The following RFC3 variants were observed in gnomAD, a reference collection of about 807,000 sequenced individuals.
RFC3 encodes the protein A1 38 kDa subunit.
A neutral mutation model predicts 45.1 loss-of-function variants in RFC3; 41 were observed. The observed-to-expected ratio is 0.91, with a 90% confidence interval of 0.71 to 1.18. The LOEUF is 1.18. Among genes scored for constraint, RFC3 ranks in the 50% most tolerant of loss-of-function variants. The probability of loss-of-function intolerance (pLI) is 0.00; values close to 1 mark genes in which losing one functional copy is unlikely to be tolerated. For missense variants in RFC3, 423 were observed against 428.1 expected (o/e 0.99, Z 0.10); for synonymous variants, 149 against 144.0 (o/e 1.03, Z -0.25).
At chr13:33,905,412 C>T (rs1265754958) in intron 8 of RFC3, among the ~76,000 whole-genome samples, 3 of 147,962 alleles carry the variant, frequency 2.0e-5, no homozygotes, top group Non-Finnish European at 4.4e-5. Context: ...ATTTCTTTCA[C>T]TTGTGTTCTC....
rs559922399 is a variant in RFC3 at position 33,940,252 on chromosome 13, T to C, written c.880-25835T>C. 5.9e-5 allele frequency among the ~76,000 whole-genome samples: 9 copies of C among 152,254 alleles called. No homozygotes were observed. In the South Asian group the frequency reaches 1.7e-3, roughly 28 times the overall value. On this transcript the variant is annotated intron_variant, in intron 8 of 8. Coordinates refer to the RFC3 transcript ENST00000434425. ...TTTTTTTTCTAAGTATGACTTCAAC[T>C]GCCCTCCACAAATTTTATTATATCT...
In RFC3 at chr13:33,835,175, T is replaced by C. The variant is rs1368050336; in HGVS notation, c.837T>C (p.Tyr279=). 2 of 1,610,260 alleles carry C rather than the reference T, an allele frequency of 1.2e-6. No homozygotes were observed. Among genetic ancestry groups the C allele is most frequent in the African/African-American group, 1.3e-5 (1 of 74,956 alleles). The change falls in exon 8 of 9, where the codon TAT becomes TAC. Residue 279 remains tyrosine (Y), a synonymous_variant. Transcript: ENST00000380071. ...TCCTTGAAGTTCGTGGAAGGCTGTATGAGCTTCTAACTCATTGTATTCCTC... is the reference window on the plus strand; with the variant it reads ...TCCTTGAAGTTCGTGGAAGGCTGTACGAGCTTCTAACTCATTGTATTCCTC... ...QRLLEVRGRL[Y]ELLTHCIPPE... is the part of the protein sequence containing the mutation.
At chr13:33,879,377 T>C (rs1257692275) in intron 8 of RFC3, among the ~76,000 whole-genome samples, 1 of 152,194 alleles carries the variant, frequency 6.6e-6, no homozygotes, top group Non-Finnish European at 1.5e-5. Flanking sequence ...CCTCAGTCAT[T>C]TCCAGGCAAA....
the RFC3 span, among the ~76,000 whole-genome samples, chr13:33,976,874 AGG>A: frequency 6.6e-6 from 1 of 152,136 alleles, no homozygotes; most frequent in African/African-American, 2.4e-5. Context: ...AGCATGAAAA[AGG>A]GAGAAAAAAC....
In RFC3 at chr13:33,818,881, GTTTTTT is replaced by G. The variant is rs72236854; in HGVS notation, c.87+637_87+642del. Reference sequence around the variant, plus strand: ...TTGTATTAGGACGTTCCTGAGATTAGTTTTTTTTTTTTTTTTTTTTTTTTTTGAGAC... The same window carrying G: ...TTGTATTAGGACGTTCCTGAGATTAGTTTTTTTTTTTTTTTTTTTTGAGAC... On this transcript the variant is annotated intron_variant, in intron 1 of 8. Transcript: ENST00000380071. Among the ~76,000 whole-genome samples the G allele has an allele frequency of 3.8e-4, 43 of 112,032 alleles. No individual in the cohort carries two copies. The East Asian group carries it at 8.9e-3, about 23-fold the overall frequency. The allele number at this position is 112,032 out of a possible 152,430, so 73.5% of individuals were successfully genotyped here.
chr13:33,825,423 G>A (rs990721359), intron 3 of RFC3, among the ~76,000 whole-genome samples: 6 of 152,036 alleles, frequency 3.9e-5, no homozygotes, highest in Admixed American at 6.6e-5. Context: ...AAAGAGTTAC[G>A]TTTTGTATTT....
At chr13:33,929,017 G>A (rs1407322163) in intron 8 of RFC3, among the ~76,000 whole-genome samples, 3 of 152,078 alleles carry the variant, frequency 2.0e-5, no homozygotes, top group Non-Finnish European at 4.4e-5. Context: ...TTCTAAAATG[G>A]ACAAATAATT....
chr13:33,835,015 A>G, intron 7 of RFC3, 133 bp from the exon 8 acceptor site: 3 of 560,988 alleles, frequency 5.3e-6, no homozygotes, highest in Non-Finnish European at 9.5e-6. Flanking sequence ...GTTAATTCAT[A>G]AAGTTAGGTC....
intron 8 of RFC3, among the ~76,000 whole-genome samples, chr13:33,882,411 G>C (rs1325688574): frequency 6.6e-6 from 1 of 152,206 alleles, no homozygotes; most frequent in Non-Finnish European, 1.5e-5. Flanking sequence ...AAATGCATCT[G>C]TTGAAGCCCT....
intron 8 of RFC3, among the ~76,000 whole-genome samples, chr13:33,855,332 G>A (rs1372758795): frequency 6.6e-6 from 1 of 152,096 alleles, no homozygotes; most frequent in African/African-American, 2.4e-5. Flanking sequence ...AAATGGAAAT[G>A]TAAAGAAATG....
intron 8 of RFC3, among the ~76,000 whole-genome samples, chr13:33,957,345 A>G (rs774821731): frequency 1.3e-5 from 2 of 152,218 alleles, no homozygotes; most frequent in Non-Finnish European, 2.9e-5. Context: ...GAGAGGAGAA[A>G]AACATAATTG....
At chr13:33,965,841 A>T (rs562581195) in intron 8 of RFC3, among the ~76,000 whole-genome samples, 1 of 152,290 alleles carries the variant, frequency 6.6e-6, no homozygotes, top group South Asian at 2.1e-4. Context: ...GGTGTCCTTG[A>T]CATATGCCCT....
chr13:33,960,863 C>CT (rs1201692501), intron 8 of RFC3, among the ~76,000 whole-genome samples: 1 of 152,180 alleles, frequency 6.6e-6, no homozygotes, highest in Non-Finnish European at 1.5e-5. Flanking sequence ...ATCTCTGGTG[C>CT]TTTTGGGGCC....
chr13:33,937,621 T>C (rs567073544), intron 8 of RFC3, among the ~76,000 whole-genome samples: 1 of 152,306 alleles, frequency 6.6e-6, no homozygotes, highest in South Asian at 2.1e-4. Flanking sequence ...ACAATTACCA[T>C]GTAGCATGCG....
intron 3 of RFC3, among the ~76,000 whole-genome samples, chr13:33,824,547 T>C (rs969069375): frequency 3.3e-5 from 5 of 152,052 alleles, no homozygotes; most frequent in African/African-American, 1.2e-4. Context: ...GGGAGCTAAA[T>C]TGGGTAAGCT....
At chr13:33,830,592 T>C (rs538967209) in intron 5 of RFC3, 127 bp from the exon 6 acceptor site, 2 of 630,730 alleles carry the variant, frequency 3.2e-6, no homozygotes, top group Non-Finnish European at 5.1e-6. Context: ...AAGTTACTTT[T>C]AGTGTAAGTT....
intron 8 of RFC3, among the ~76,000 whole-genome samples, chr13:33,921,287 G>A (rs1462934279): frequency 6.6e-6 from 1 of 152,164 alleles, no homozygotes; most frequent in African/African-American, 2.4e-5. Context: ...CAGCTCTGTA[G>A]CACTTAGTGG....
At chr13:33,924,088 A>G (rs2082786651) in intron 8 of RFC3, among the ~76,000 whole-genome samples, 1 of 152,142 alleles carries the variant, frequency 6.6e-6, no homozygotes, top group Non-Finnish European at 1.5e-5. Flanking sequence ...GAGACTAAAT[A>G]TAACTTGTAG....
chr13:33,925,375 TATA>T, intron 8 of RFC3, among the ~76,000 whole-genome samples: 1 of 121,378 alleles, frequency 8.2e-6, no homozygotes, highest in South Asian at 2.4e-4. Flanking sequence ...TATACATACA[TATA>T]GTGTACTATA....
Sources: allele counts gnomAD v4.1 joint callset (sites outside exome capture counted in the v4.1 genomes callset), GRCh38; gene constraint gnomAD v4.1.1; transcripts MANE v1.5; gene names NCBI Gene and HGNC (gene_info 2026-07-23, HGNC 2026-07-21).